The following CFAP300 variants were observed in gnomAD, a reference collection of about 807,000 sequenced individuals.
CFAP300 encodes the protein cilia and flagella associated protein 300.
CFAP300 carries 32 observed loss-of-function variants against 33.0 expected under a neutral mutation model. The observed-to-expected ratio is 0.97, with a 90% CI of 0.73 to 1.30. The LOEUF (loss-of-function observed/expected upper bound fraction) is 1.30, where lower values mean the gene tolerates loss of function less well. CFAP300 is among the 50% of genes most tolerant of loss of function. The pLI is 0.00. For missense variants in CFAP300, 356 were observed against 318.1 expected (o/e 1.12, Z -0.90); for synonymous variants, 102 against 106.8 (o/e 0.95, Z 0.28).
chr11:102,047,955 A>G lies in CFAP300; in HGVS notation c.192+59A>G, dbSNP rs7934495. ...CTGCGGATTTTTAAACTTCCCCCCA[A>G]GTTGGCATAGATTCTTGTGAACACG... On this transcript the variant is annotated intron_variant, in intron 2 of 6. Transcript: ENST00000434758. 16 of 1,538,852 alleles carry G rather than the reference A, an allele frequency of 1.0e-5. No homozygotes were observed. In the South Asian group the frequency reaches 1.4e-4, roughly 13 times the overall value.
intron 4 of CFAP300, among the ~76,000 whole-genome samples, chr11:102,072,818 G>A (rs185477817): frequency 2.2e-4 from 34 of 152,128 alleles, no homozygotes; most frequent in African/African-American, 7.0e-4. Context: ...ATGTACTTAC[G>A]GTGTTCGTTG....
intron 3 of CFAP300, among the ~76,000 whole-genome samples, chr11:102,059,157 G>C (rs1165709202): frequency 6.6e-6 from 1 of 151,964 alleles, no homozygotes; most frequent in South Asian, 2.1e-4. Context: ...ACACATAAGA[G>C]CAATTTTTCT....
chr11:102,047,441 G>C lies in CFAP300; in HGVS notation c.-30G>C. The stretch of plus-strand genomic sequence containing the variant: ...ACGGCCGCCGCGTCTCCATGGAAAC[G>C]GCCCAGGCATCCACCCAGCCGAGAG... On this transcript the variant is annotated 5_prime_UTR_variant, in exon 1 of 7. Transcript: ENST00000434758. 3 of 1,516,294 alleles carry C rather than the reference G, an allele frequency of 2.0e-6. No individual in the cohort carries two copies. Among genetic ancestry groups the C allele is most frequent in the Non-Finnish European group, 1.8e-6 (2 of 1,129,218 alleles). The allele number at this position is 1,516,294 out of a possible 1,614,324, so 93.9% of individuals were successfully genotyped here.
intron 2 of CFAP300, among the ~76,000 whole-genome samples, chr11:102,050,739 A>G (rs1489714897): frequency 2.0e-5 from 3 of 152,218 alleles, no homozygotes; most frequent in Admixed American, 2.0e-4. Flanking sequence ...GGCCTGAAAG[A>G]TGAGTAGGAA....
At chr11:102,048,918 A>G (rs937072494) in intron 2 of CFAP300, among the ~76,000 whole-genome samples, 1 of 152,066 alleles carries the variant, frequency 6.6e-6, no homozygotes. Flanking sequence ...ATAGTTTGGC[A>G]TAACAAACAC....
At position 102,084,022 on chromosome 11, in the gene CFAP300, A is replaced by G. The variant is rs1330414308; in HGVS notation, c.*823A>G. ...AGAGCAAGACTCCGTCTCAGAAAAA[A>G]AAAAGGTTCTGAAAGTGGTTGTAAA... On this transcript the variant is annotated 3_prime_UTR_variant, in exon 7 of 7. Transcript: ENST00000434758. 1 of 152,146 alleles carries G rather than the reference A, an allele frequency of 6.6e-6. No individual in the cohort carries two copies. The highest frequency in any genetic ancestry group is 1.5e-5 in the Non-Finnish European group (1 of 68,036). 9.4% of individuals were successfully genotyped at this position (152,146 alleles called of 1,614,324 possible). A position where few individuals can be genotyped will look rare whatever the true frequency, so the allele number is the denominator to read the frequency against.
chr11:102,076,308 A>G (rs971418113), intron 5 of CFAP300, among the ~76,000 whole-genome samples: 1 of 152,016 alleles, frequency 6.6e-6, no homozygotes, highest in Non-Finnish European at 1.5e-5. Context: ...CCTGTTACAA[A>G]CTGCCATCTT....
chr11:102,051,909 A>G (rs1376013674), intron 2 of CFAP300, among the ~76,000 whole-genome samples: 3 of 152,176 alleles, frequency 2.0e-5, no homozygotes, highest in Non-Finnish European at 4.4e-5. Context: ...TGACATCAGT[A>G]TCTTTGTTAT....
chr11:102,073,355 G>T (rs1412131463), intron 4 of CFAP300, among the ~76,000 whole-genome samples: 1 of 152,176 alleles, frequency 6.6e-6, no homozygotes, highest in African/African-American at 2.4e-5. Flanking sequence ...AGTTGAGTAG[G>T]CCTGTGCTCA....
chr11:102,063,801 A>C (rs1283144582), intron 3 of CFAP300, among the ~76,000 whole-genome samples: 1 of 152,200 alleles, frequency 6.6e-6, no homozygotes, highest in Admixed American at 6.5e-5. Flanking sequence ...CCTGGGTGAC[A>C]GAGTGAGACC....
At chr11:102,070,585 C>T (rs984626252) in intron 4 of CFAP300, among the ~76,000 whole-genome samples, 1 of 151,890 alleles carries the variant, frequency 6.6e-6, no homozygotes, top group Non-Finnish European at 1.5e-5. Context: ...TATTTATTTC[C>T]TTATACTAAC....
Position 102,083,961 on chromosome 11 carries a change from G to C in CFAP300, c.*762G>C, listed in dbSNP as rs1942511927. On this transcript the variant is annotated 3_prime_UTR_variant, in exon 7 of 7. Transcript: ENST00000434758. ...AACCCGGGAAGTGAGGTTGCAGTGA[G>C]CCGAGGCTGTGCCACTGTACTCTAG... 1 of 152,192 alleles carries C rather than the reference G, an allele frequency of 6.6e-6. No homozygotes were observed. 9.4% of individuals were successfully genotyped at this position (152,192 alleles called of 1,614,324 possible).
Position 102,079,701 on chromosome 11 carries a change from G to A in CFAP300, c.609-1514G>A, listed in dbSNP as rs145900462. Among the ~76,000 whole-genome samples, 20 of 152,212 alleles carry A rather than the reference G, an allele frequency of 1.3e-4. No homozygotes were observed. The East Asian group carries it at 3.9e-3, about 29-fold the overall frequency. ...CTTACACCTAAAAAAGTAGAGAAGA[G>A]GGTATCTTTCTTTAAATTTTACCTA... On this transcript the variant is annotated intron_variant, in intron 5 of 6. Coordinates refer to ENST00000434758, the MANE Select transcript of CFAP300 (RefSeq NM_032930.3).
intron 4 of CFAP300, among the ~76,000 whole-genome samples, chr11:102,074,702 T>C (rs939471652): frequency 1.6e-4 from 24 of 152,004 alleles, no homozygotes; most frequent in African/African-American, 5.3e-4. Context: ...ATTTTACTTT[T>C]AGTTATTTCA....
In CFAP300 at chr11:102,047,550, C is replaced by G; in HGVS notation, c.80C>G (p.Ser27Cys). The change falls in exon 1 of 7, where the codon TCT (serine) becomes TGT (cysteine). Residue 27 changes from serine to cysteine, a missense_variant. Physicochemically the swap from Ser to Cys is moderately radical, Grantham distance 112 (BLOSUM62 -1). Transcript: ENST00000434758. ...CAGAAAACCTTCCAGTCTCTGAGCT[C>G]TAAGGAGATCACCAGCCGGCTCCGC... ...LPQKTFQSLS[S>C]KEITSRLRQW... 6.5e-7 allele frequency: 1 copy of G among 1,536,008 alleles called. No homozygotes were observed. Among genetic ancestry groups the G allele is most frequent in the Non-Finnish European group, 8.7e-7 (1 of 1,146,804 alleles).
At chr11:102,053,851 C>G (rs78191120) in intron 2 of CFAP300, among the ~76,000 whole-genome samples, 1 of 152,206 alleles carries the variant, frequency 6.6e-6, no homozygotes, top group Admixed American at 6.5e-5. Flanking sequence ...AACTCCCCAG[C>G]CTTATCTGAC....
intron 2 of CFAP300, among the ~76,000 whole-genome samples, chr11:102,051,561 A>T (rs1477008880): frequency 1.3e-5 from 2 of 152,214 alleles, no homozygotes; most frequent in Non-Finnish European, 2.9e-5. Flanking sequence ...AGAAACCATC[A>T]GTCTGCCAGA....
rs779495989 is a variant in CFAP300, at chr11:102,047,809, C to T, written c.111-6C>T. 21 of 1,613,826 alleles carry T rather than the reference C, an allele frequency of 1.3e-5. No individual in the cohort carries two copies. The highest frequency in any genetic ancestry group is 1.7e-5 in the Non-Finnish European group (20 of 1,179,970). On this transcript the variant is annotated splice_polypyrimidine_tract_variant and splice_region_variant and intron_variant, in intron 1 of 6. Coordinates refer to ENST00000434758, the MANE Select transcript of CFAP300 (RefSeq NM_032930.3). Reference sequence around the variant, plus strand: ...CAGATGATTTCTTTTTCCTCCTCTGCCCCAGGTCCATGCTGGGCAGAATCA... The same window carrying T: ...CAGATGATTTCTTTTTCCTCCTCTGTCCCAGGTCCATGCTGGGCAGAATCA...
At chr11:102,076,554 A>C (rs578190956) in intron 5 of CFAP300, among the ~76,000 whole-genome samples, 1 of 152,386 alleles carries the variant, frequency 6.6e-6, no homozygotes, top group East Asian at 1.9e-4. Context: ...AATGAGAATT[A>C]AAACCTTACA....
Sources: allele counts gnomAD v4.1 joint callset (sites outside exome capture counted in the v4.1 genomes callset), GRCh38; gene constraint gnomAD v4.1.1; transcripts MANE v1.5; gene names NCBI Gene and HGNC (gene_info 2026-07-23, HGNC 2026-07-21).